The following CDK14 variants were observed in gnomAD, a reference collection of about 807,000 sequenced individuals.
CDK14 encodes cyclin dependent kinase 14, also known as cyclin-dependent kinase 14.
A neutral mutation model predicts 60.7 loss-of-function variants in CDK14; 34 were observed. The observed-to-expected ratio is 0.56, with a 90% CI of 0.43 to 0.75. The LOEUF (loss-of-function observed/expected upper bound fraction) is 0.75. CDK14 is among the 30% of genes least tolerant of loss of function. The pLI, the probability that CDK14 is intolerant of heterozygous loss-of-function variation, is 0.00. For synonymous variants in CDK14, 197 were observed against 203.7 expected (o/e 0.97, Z 0.28); for missense variants, 482 against 564.1 (o/e 0.85, Z 1.47).
At chr7:90,986,263 A>G (rs1458675532) in intron 10 of CDK14, among the ~76,000 whole-genome samples, 3 of 152,094 alleles carry the variant, frequency 2.0e-5, no homozygotes, top group Non-Finnish European at 4.4e-5. Context: ...GTTTTTCATT[A>G]TAATAAAATG....
intron 8 of CDK14, among the ~76,000 whole-genome samples, chr7:90,940,347 A>T (rs1793881214): frequency 6.6e-6 from 1 of 152,200 alleles, no homozygotes; most frequent in Non-Finnish European, 1.5e-5. Flanking sequence ...CCATATTAGT[A>T]CATAGCGATT....
intron 10 of CDK14, among the ~76,000 whole-genome samples, chr7:91,041,175 CTTT>C (rs34055384): frequency 2.8e-5 from 4 of 142,676 alleles, no homozygotes; most frequent in Non-Finnish European, 3.1e-5. Flanking sequence ...TGAGCTTGTC[CTTT>C]TTTTTTTTTT....
chr7:91,079,586 T>C (rs753719089), intron 12 of CDK14, 106 bp downstream of exon 12: 1 of 820,472 alleles, frequency 1.2e-6, no homozygotes, highest in Non-Finnish European at 2.1e-6. Context: ...TGCTGTGTAT[T>C]TATTCATTCA....
At chr7:90,765,639 G>C (rs1192372225) in intron 4 of CDK14, among the ~76,000 whole-genome samples, 5 of 151,618 alleles carry the variant, frequency 3.3e-5, no homozygotes, top group Admixed American at 2.0e-4. Flanking sequence ...GGACTGGTGG[G>C]GATGGATACT....
chr7:91,010,797 C>CT (rs1562867230), intron 10 of CDK14, among the ~76,000 whole-genome samples: 2 of 100,288 alleles, frequency 2.0e-5, no homozygotes, highest in Admixed American at 9.9e-5. Context: ...TCCCTCCTTC[C>CT]TTCTTTCCTT....
chr7:90,604,195 T>G (rs1007039392), intron 1 of CDK14, 23 bp from the exon 2 acceptor site: 4 of 1,497,240 alleles, frequency 2.7e-6, no homozygotes, highest in Non-Finnish European at 3.6e-6. Flanking sequence ...AATAACTGTT[T>G]CCTTTTCCTT....
intron 11 of CDK14, among the ~76,000 whole-genome samples, chr7:91,068,281 A>G (rs1798036466): frequency 6.6e-6 from 1 of 152,234 alleles, no homozygotes; most frequent in Non-Finnish European, 1.5e-5. Flanking sequence ...TGTCTGTAGA[A>G]CAATGGATGT....
intron 12 of CDK14, among the ~76,000 whole-genome samples, chr7:91,111,735 C>G (rs803158): frequency 0.58 from 88,745 of 151,990 alleles, 26,861 homozygotes; most frequent in Non-Finnish European, 0.66. Context: ...TCCAGAAATG[C>G]TAGCCATTAT....
chr7:90,699,390 A>G (rs555829798), intron 2 of CDK14, among the ~76,000 whole-genome samples: 7 of 152,334 alleles, frequency 4.6e-5, no homozygotes, highest in South Asian at 2.1e-4. Flanking sequence ...ACTGAACACT[A>G]TTCTAAGTAG....
At chr7:90,658,902 TG>T (rs1800807689) in intron 2 of CDK14, among the ~76,000 whole-genome samples, 1 of 152,208 alleles carries the variant, frequency 6.6e-6, no homozygotes. Context: ...TAAATGCGAT[TG>T]GTTCTTCATT....
intron 10 of CDK14, among the ~76,000 whole-genome samples, chr7:91,005,805 C>T (rs761748412): frequency 2.6e-5 from 4 of 152,336 alleles, no homozygotes; most frequent in Non-Finnish European, 2.9e-5. Context: ...CTCTAATTAA[C>T]GTTATGTAAA....
chr7:90,908,810 A>G (rs558734687), intron 7 of CDK14, among the ~76,000 whole-genome samples: 1 of 152,332 alleles, frequency 6.6e-6, no homozygotes, highest in East Asian at 1.9e-4. Flanking sequence ...ATACGTATCT[A>G]AATTCACAAG....
intron 5 of CDK14, among the ~76,000 whole-genome samples, chr7:90,828,951 C>T (rs757986250): frequency 3.3e-5 from 5 of 151,974 alleles, no homozygotes; most frequent in Non-Finnish European, 7.4e-5. Flanking sequence ...GAAGTTTGAT[C>T]GACTCACAGA....
chr7:91,170,308 C>A (rs1458316306), intron 14 of CDK14, among the ~76,000 whole-genome samples: 1 of 152,068 alleles, frequency 6.6e-6, no homozygotes, highest in Non-Finnish European at 1.5e-5. Context: ...TTTAACATTC[C>A]CTACATGCTA....
intron 14 of CDK14, among the ~76,000 whole-genome samples, chr7:91,164,846 A>C (rs1302038185): frequency 6.6e-6 from 1 of 152,170 alleles, no homozygotes; most frequent in East Asian, 1.9e-4. Context: ...TAAATTTGTA[A>C]AACATCATGT....
chr7:91,022,147 G>T (rs1796448425), intron 10 of CDK14, among the ~76,000 whole-genome samples: 1 of 152,156 alleles, frequency 6.6e-6, no homozygotes, highest in Non-Finnish European at 1.5e-5. Context: ...AGAGGCTGAG[G>T]GACTGTGTGT....
At chr7:90,897,524 T>G (rs1792375692) in intron 6 of CDK14, among the ~76,000 whole-genome samples, 1 of 152,076 alleles carries the variant, frequency 6.6e-6, no homozygotes, top group Non-Finnish European at 1.5e-5. Flanking sequence ...AAAGAATACC[T>G]TATTTTTATC....
chr7:90,836,452 T>A (rs1177133413), intron 5 of CDK14, among the ~76,000 whole-genome samples: 1 of 152,146 alleles, frequency 6.6e-6, no homozygotes, highest in African/African-American at 2.4e-5. Flanking sequence ...AATATCTCTA[T>A]CTTCCACCTC....
chr7:90,995,209 G>A (rs184466842), intron 10 of CDK14, among the ~76,000 whole-genome samples: 2 of 152,076 alleles, frequency 1.3e-5, no homozygotes, highest in Non-Finnish European at 2.9e-5. Flanking sequence ...TTACCGGCTC[G>A]CTCTGAGGGA....
Sources: allele counts gnomAD v4.1 joint callset (sites outside exome capture counted in the v4.1 genomes callset), GRCh38; gene constraint gnomAD v4.1.1; transcripts MANE v1.5; gene names NCBI Gene and HGNC (gene_info 2026-07-23, HGNC 2026-07-21).